Variants in GMIP observed in about 807,000 individuals in gnomAD.
GMIP encodes the protein GEM-interacting protein.
In GMIP, 54 loss-of-function variants were observed where a neutral mutation model predicts 105.3. The observed-to-expected ratio is 0.51, with a 90% confidence interval of 0.41 to 0.64. GMIP has a LOEUF of 0.64. Ranked by LOEUF, GMIP falls within the 30% of genes least tolerant of loss-of-function variation. GMIP has a pLI of 0.00. For synonymous variants in GMIP, 541 were observed against 560.8 expected (o/e 0.96, Z 0.50); for missense variants, 1,110 against 1,319.4 (o/e 0.84, Z 2.46).
Position 19,634,293 on chromosome 19 carries a change from G to T in GMIP, c.2085-103C>A. 1 of 1,273,248 alleles carries T rather than the reference G, an allele frequency of 7.9e-7. No homozygotes were observed. Among genetic ancestry groups the T allele is most frequent in the Non-Finnish European group, 1.1e-6 (1 of 938,094 alleles). The allele number at this position is 1,273,248 out of a possible 1,614,324, so 78.9% of individuals were successfully genotyped here. On this transcript the variant is annotated intron_variant, in intron 18 of 20. Coordinates refer to ENST00000203556, the MANE Select transcript of GMIP (RefSeq NM_016573.4). This position sits in a 1 kb window ranked among gnomAD's most constrained non-coding sequence, Gnocchi z 6.1. ...GCCAGCCTAGAGGTGACTTGCCCAT[G>T]TCACAGGTGTAAGTCGTCTGAGACC...
chr19:19,635,793 C>T lies in GMIP; in HGVS notation c.1328-72G>A, dbSNP rs926906023. On this transcript the variant is annotated intron_variant, in intron 13 of 20. Transcript: ENST00000203556. This position sits in a 1 kb window ranked among gnomAD's most constrained non-coding sequence, Gnocchi z 4.7. ...TCCTGGTTTTTAGGGCTTCCAGAACCACCCACTAATTCCCAAGGGGTCAGA... is the reference window on the plus strand; with the variant it reads ...TCCTGGTTTTTAGGGCTTCCAGAACTACCCACTAATTCCCAAGGGGTCAGA... The T allele has an allele frequency of 1.2e-5, 15 of 1,252,312 alleles. No homozygotes were observed. The highest frequency in any genetic ancestry group is 5.9e-5 in the African/African-American group (4 of 68,098). 77.6% of individuals were successfully genotyped at this position (1,252,312 alleles called of 1,614,324 possible). A position where few individuals can be genotyped will look rare whatever the true frequency, so the allele number is the denominator to read the frequency against.
rs761206608 is a variant in GMIP, at chr19:19,642,488, T to C, written c.104+47A>G. ...GCAAGGCACCTAAATGGTTAGGGGCTTGGGGCATCTTGGCAGGATTTGGGG... is the reference window on the plus strand; with the variant it reads ...GCAAGGCACCTAAATGGTTAGGGGCCTGGGGCATCTTGGCAGGATTTGGGG... On this transcript the variant is annotated intron_variant, in intron 2 of 20. Coordinates refer to ENST00000203556, the MANE Select transcript of GMIP (RefSeq NM_016573.4). 4 of 1,206,768 alleles carry C rather than the reference T, an allele frequency of 3.3e-6. No individual in the cohort carries two copies. In the African/African-American group the frequency reaches 4.5e-5, roughly 13 times the overall value. The allele number at this position is 1,206,768 out of a possible 1,614,324, so 74.8% of individuals were successfully genotyped here.
At chr19:19,638,896 C>G (rs2061887934) in intron 7 of GMIP, among the ~76,000 whole-genome samples, 1 of 150,316 alleles carries the variant, frequency 6.7e-6, no homozygotes, top group Non-Finnish European at 1.5e-5. Context: ...GCCTGACCAA[C>G]ATGGTGAAAC....
chr19:19,638,995 A>G (rs2061888998), intron 7 of GMIP, among the ~76,000 whole-genome samples: 1 of 151,674 alleles, frequency 6.6e-6, no homozygotes, highest in South Asian at 2.1e-4. Flanking sequence ...CAGGAGAATC[A>G]CTTGAACCCG....
chr19:19,642,702 T>G (rs1323447994), intron 1 of GMIP, 83 bp from the exon 2 acceptor site: 135 of 563,310 alleles, frequency 2.4e-4, no homozygotes, highest in South Asian at 6.4e-4. Flanking sequence ...TTGGAGGGGG[T>G]GGAAGAGAAA....
chr19:19,640,699 T>C, intron 4 of GMIP, 128 bp from the exon 5 acceptor site: 1 of 747,692 alleles, frequency 1.3e-6, no homozygotes, highest in South Asian at 2.5e-5. Context: ...TACTTTGGGA[T>C]CACTTGTCCT....
intron 7 of GMIP, 30 bp from the exon 8 acceptor site, chr19:19,638,512 C>T (rs1419506961): frequency 1.9e-6 from 3 of 1,599,502 alleles, no homozygotes; most frequent in South Asian, 1.1e-5. Context: ...GGGATGGAGA[C>T]GCTGCCTTAG....
chr19:19,638,601 T>C (rs1232860966), intron 7 of GMIP, 119 bp from the exon 8 acceptor site: 30 of 789,032 alleles, frequency 3.8e-5, no homozygotes, highest in Non-Finnish European at 2.6e-5. Context: ...ATTTTTTTTT[T>C]TTTCGAGACG....
chr19:19,637,150 G>A lies in GMIP; in HGVS notation c.1125-121C>T, dbSNP rs1257469031. ...GGGTCTGCAAACCCTGACACCCAGG[G>A]CATTGTGGCCCCTGAAATACAGTAG... On this transcript the variant is annotated intron_variant, in intron 11 of 20. Transcript: ENST00000203556. The surrounding 1 kb of genome is among the most constrained non-coding windows in gnomAD (Gnocchi z 6.7). The A allele has an allele frequency of 2.8e-6, 2 of 707,410 alleles. No homozygotes were observed. The highest frequency in any genetic ancestry group is 2.7e-5 in the East Asian group (1 of 36,908). The allele number at this position is 707,410 out of a possible 1,614,324, so 43.8% of individuals were successfully genotyped here.
At position 19,636,964 on chromosome 19, in the gene GMIP, G is replaced by T; in HGVS notation, c.1190C>A (p.Ala397Asp). 1 of 1,585,688 alleles carries T rather than the reference G, an allele frequency of 6.3e-7. No homozygotes were observed. The highest frequency in any genetic ancestry group is 8.6e-7 in the Non-Finnish European group (1 of 1,165,264). The part of the protein sequence containing the change: ...PLPPRLDENS[A>D]EPGPWEDPGT... ...CGGATCCTCCCAAGGGCCTGGCTCA[G>T]CTGAATTCTCATCCAGCCTTGGAGG... The change falls in exon 12 of 21, where the codon GCT (alanine) becomes GAT (aspartate). Residue 397 changes from alanine to aspartate, a missense_variant. Ala to Asp is a moderately radical substitution (Grantham distance 126). Transcript: ENST00000203556.
rs772835645 is a variant in GMIP at position 19,634,462 on chromosome 19, C to T, written c.2084+45G>A. On this transcript the variant is annotated intron_variant, in intron 18 of 20. Transcript: ENST00000203556. The surrounding 1 kb of genome is among the most constrained non-coding windows in gnomAD (Gnocchi z 6.1). ...GCCAGGGAAGTTAGTAGTCGCATGT[C>T]CAGGGAAAAGGGTCGCGTTTCAAGG... 4.0e-6 allele frequency: 6 copies of T among 1,514,704 alleles called. No homozygotes were observed. The highest frequency in any genetic ancestry group is 5.4e-6 in the Non-Finnish European group (6 of 1,109,984). The allele number at this position is 1,514,704 out of a possible 1,614,324, so 93.8% of individuals were successfully genotyped here. A position where few individuals can be genotyped will look rare whatever the true frequency, so the allele number is the denominator to read the frequency against.
chr19:19,638,561 G>T, intron 7 of GMIP, 79 bp from the exon 8 acceptor site: 1 of 1,201,436 alleles, frequency 8.3e-7, no homozygotes, highest in Non-Finnish European at 1.2e-6. Flanking sequence ...TTCCATTCCT[G>T]CGCCATGTGC....
chr19:19,635,202 G>T lies in GMIP; in HGVS notation c.1572C>A (p.Thr524=). The change falls in exon 16 of 21, where the codon ACC becomes ACA. Residue 524 remains threonine (T), a synonymous_variant. Transcript: ENST00000203556. This position sits in a 1 kb window ranked among gnomAD's most constrained non-coding sequence, Gnocchi z 4.7. ...GAGTCTCCAGGCAGCGCTTGTGGCA[G>T]GTCAGAAAGCACTGTGGGGAAGGTC... ...SGTECEECFL[T]CHKRCLETLL... 6.2e-7 allele frequency: 1 copy of T among 1,611,964 alleles called. No homozygotes were observed. Among genetic ancestry groups the T allele is most frequent in the South Asian group, 1.1e-5 (1 of 90,860 alleles).
Position 19,641,784 on chromosome 19 carries a change from C to T in GMIP, c.238+26G>A, listed in dbSNP as rs374018892. ...AAGGAAAGACTCCTGTCTGTCCCCA[C>T]TGTCCTGGCCTCCAGACCCCCCTAC... On this transcript the variant is annotated intron_variant, in intron 4 of 20. Coordinates refer to ENST00000203556, the MANE Select transcript of GMIP (RefSeq NM_016573.4). 51 of 1,552,486 alleles carry T rather than the reference C, an allele frequency of 3.3e-5. No individual in the cohort carries two copies. In the African/African-American group the frequency reaches 4.3e-4, roughly 13 times the overall value.
chr19:19,637,407 G>T lies in GMIP; in HGVS notation c.1082C>A (p.Pro361Gln). Residue 361 changes from proline to glutamine, a missense_variant, in exon 11 of 21, where the codon CCG becomes CAG. Transcript: ENST00000203556. This position sits in a 1 kb window ranked among gnomAD's most constrained non-coding sequence, Gnocchi z 6.7. ...GAACTCCTGGAAGGAGAAGGCGGGC[G>T]GCGGGGGCGGCGGGGCCTCGGGCCG... is the stretch of plus-strand genomic sequence containing the variant. ...ALRPEAPPPPPPAFSFQEFLP... is the reference protein window; with the variant it reads ...ALRPEAPPPPQPAFSFQEFLP... 6.7e-7 allele frequency: 1 copy of T among 1,487,870 alleles called. No individual in the cohort carries two copies. The highest frequency in any genetic ancestry group is 1.5e-5 in the African/African-American group (1 of 68,670). 92.2% of individuals were successfully genotyped at this position (1,487,870 alleles called of 1,614,324 possible).
chr19:19,642,667 C>A, intron 1 of GMIP, 48 bp from the exon 2 acceptor site: 1 of 883,762 alleles, frequency 1.1e-6, no homozygotes, highest in African/African-American at 1.6e-5. Flanking sequence ...CCTCCCTCCA[C>A]CCACGGCACC....
intron 4 of GMIP, among the ~76,000 whole-genome samples, chr19:19,641,158 G>T (rs1568419638): frequency 1.3e-5 from 2 of 150,326 alleles, no homozygotes; most frequent in African/African-American, 4.9e-5. Context: ...TTGCCTCACT[G>T]CAAGCTCCGC....
chr19:19,638,287 C>T lies in GMIP; in HGVS notation c.661G>A (p.Val221Met), dbSNP rs1568417149. 8 of 1,611,550 alleles carry T rather than the reference C, an allele frequency of 5.0e-6. No homozygotes were observed. Among genetic ancestry groups the T allele is most frequent in the African/African-American group, 1.3e-5 (1 of 75,064 alleles). Reference sequence around the variant, plus strand: ...GCCCGCAGGTCCTCGCTGCGTTGCACATACTGCAGCTGGGCGCGCCGCAGT... The same window carrying T: ...GCCCGCAGGTCCTCGCTGCGTTGCATATACTGCAGCTGGGCGCGCCGCAGT... Reference protein sequence around the residue: ...QALRRAQLQYVQRSEDLRARS... With the variant: ...QALRRAQLQYMQRSEDLRARS... Residue 221 changes from valine (V) to methionine (M), a missense_variant, in exon 9 of 21, where the codon GTG becomes ATG. By Grantham distance (21) the Val-to-Met change is conservative. Coordinates refer to ENST00000203556, the MANE Select transcript of GMIP (RefSeq NM_016573.4).
rs1234516372 is a variant in GMIP at position 19,634,518 on chromosome 19, G to A, written c.2073C>T (p.Ala691=). The change falls in exon 18 of 21, where the codon GCC becomes GCT. Residue 691 remains alanine, a synonymous_variant. Transcript: ENST00000203556. This position sits in a 1 kb window ranked among gnomAD's most constrained non-coding sequence, Gnocchi z 6.1. ...GGACCCATGCACACCTGAACAGATG[G>A]GCCACCAGGTGCCGCAGGGTGTTGT... ...SNYNTLRHLV[A]HLFRVAARFM... 6.2e-7 allele frequency: 1 copy of A among 1,610,168 alleles called. No homozygotes were observed. The highest frequency in any genetic ancestry group is 8.5e-7 in the Non-Finnish European group (1 of 1,178,838).
Sources: gnomAD v4.1 joint callset for allele counts (sites outside exome capture counted in the v4.1 genomes callset) on GRCh38, gnomAD v4.1.1 for gene constraint, Gnocchi (gnomAD v3.1) non-coding constraint, MANE v1.5 for transcripts, NCBI Gene and HGNC (gene_info 2026-07-23, HGNC 2026-07-21) for gene names.